Variants in PBX3 observed in about 807,000 individuals in gnomAD.
The protein encoded by PBX3 is PBX homeobox 3, also known as pre-B-cell leukemia transcription factor 3.
PBX3 carries 14 observed loss-of-function variants against 48.5 expected under a neutral mutation model. The observed-to-expected ratio is 0.29, with a 90% CI of 0.19 to 0.45. The LOEUF (loss-of-function observed/expected upper bound fraction) is 0.45, where lower values mean the gene tolerates loss of function less well. Ranked by LOEUF, PBX3 falls within the 20% of genes least tolerant of loss-of-function variation. The pLI is 1.00. For missense variants in PBX3, 386 were observed against 546.7 expected (o/e 0.71, Z 2.93); for synonymous variants, 210 against 200.3 (o/e 1.05, Z -0.41).
intron 2 of PBX3, among the ~76,000 whole-genome samples, chr9:125,766,213 T>A (rs533773343): frequency 5.3e-5 from 8 of 152,118 alleles, no homozygotes; most frequent in Non-Finnish European, 1.2e-4. Context: ...GTACATTAAA[T>A]CTGATACTAT....
At chr9:125,754,207 GAAT>G (rs1206079308) in intron 2 of PBX3, among the ~76,000 whole-genome samples, 1 of 152,010 alleles carries the variant, frequency 6.6e-6, no homozygotes, top group Non-Finnish European at 1.5e-5. Context: ...GACATTATGA[GAAT>G]AATGTTTTGT....
At chr9:125,943,371 AAAAAAAAAAAAAAAAAAAAAAAAAAAAAG>A (rs1167530640) in intron 5 of PBX3, among the ~76,000 whole-genome samples, 22 of 11,618 alleles carry the variant, frequency 1.9e-3, no homozygotes, top group Non-Finnish European at 2.9e-3. Flanking sequence ...AAAAAAAAAA[AAAAAAAAAAAAAAAAAAAAAAAAAAAAAG>A]AAAGGAGAGA....
chr9:125,919,359 A>ATTTTTTTTTTTTTT (rs34891465), intron 3 of PBX3, among the ~76,000 whole-genome samples: 9 of 102,750 alleles, frequency 8.8e-5, no homozygotes, highest in African/African-American at 2.3e-4. Flanking sequence ...TGCCCGTCTA[A>ATTTTTTTTTTTTTT]TTTTTTTTTT....
chr9:125,913,654 T>C (rs894339994), intron 2 of PBX3, among the ~76,000 whole-genome samples: 1 of 152,162 alleles, frequency 6.6e-6, no homozygotes, highest in Non-Finnish European at 1.5e-5. Context: ...ATTTTGGGTA[T>C]GGAAGTTAAT....
intron 7 of PBX3, 150 bp downstream of exon 7, chr9:125,962,364 T>G (rs1272188827): frequency 3.9e-6 from 2 of 512,264 alleles, no homozygotes; most frequent in East Asian, 3.0e-5. Flanking sequence ...ACCATTTAAT[T>G]TAATGAGAAG....
chr9:125,791,080 A>G (rs1564656538), intron 2 of PBX3, among the ~76,000 whole-genome samples: 1 of 151,810 alleles, frequency 6.6e-6, no homozygotes, highest in Admixed American at 6.6e-5. Context: ...ACGCCTGGCT[A>G]ATTTTTGTAT....
chr9:125,899,386 T>A lies in PBX3; in HGVS notation c.275-16300T>A, dbSNP rs1472817764. On this transcript the variant is annotated intron_variant, in intron 2 of 8. Coordinates refer to ENST00000373489, the MANE Select transcript of PBX3 (RefSeq NM_006195.6). ...ATATATACATATATGTATATATTTT[T>A]ATATAAATATACAAATATATGTATG... is the stretch of plus-strand genomic sequence containing the variant. Among the ~76,000 whole-genome samples, 2 of 141,546 alleles carry A rather than the reference T, an allele frequency of 1.4e-5. 1 individual carries two copies. The highest frequency in any genetic ancestry group is 3.0e-5 in the Non-Finnish European group (2 of 65,880). The allele number at this position is 141,546 out of a possible 152,430, so 92.9% of individuals were successfully genotyped here.
intron 2 of PBX3, among the ~76,000 whole-genome samples, chr9:125,871,380 CAA>C (rs34035290): frequency 4.7e-5 from 6 of 127,578 alleles, no homozygotes; most frequent in African/African-American, 9.4e-5. Flanking sequence ...GACTCCGTCT[CAA>C]AAAAAAAAAA....
chr9:125,948,833 GAAA>G (rs1220347477), intron 5 of PBX3, among the ~76,000 whole-genome samples: 10 of 151,976 alleles, frequency 6.6e-5, no homozygotes, highest in African/African-American at 2.4e-4. Context: ...GCAAAAGACT[GAAA>G]ATTCAATTCA....
chr9:125,862,097 C>T (rs1381138216), intron 2 of PBX3, among the ~76,000 whole-genome samples: 36 of 152,154 alleles, frequency 2.4e-4, no homozygotes, highest in Admixed American at 2.4e-3. Context: ...CTTTTACAGA[C>T]AATGGTGTCT....
At chr9:125,810,467 A>G (rs1485957315) in intron 2 of PBX3, among the ~76,000 whole-genome samples, 3 of 151,954 alleles carry the variant, frequency 2.0e-5, no homozygotes, top group Admixed American at 1.3e-4. Context: ...TCTGTTCCCT[A>G]TAAGGTCTGT....
intron 5 of PBX3, among the ~76,000 whole-genome samples, chr9:125,942,993 G>C (rs1841989068): frequency 6.6e-6 from 1 of 152,114 alleles, no homozygotes; most frequent in Non-Finnish European, 1.5e-5. Flanking sequence ...GTGATGTCAG[G>C]TATTATATTT....
intron 2 of PBX3, among the ~76,000 whole-genome samples, chr9:125,891,113 A>T (rs1388914501): frequency 6.6e-6 from 1 of 152,230 alleles, no homozygotes; most frequent in Admixed American, 6.5e-5. Context: ...GAAATAGATA[A>T]CATGTATTAC....
At chr9:125,833,568 A>G (rs1194131048) in intron 2 of PBX3, among the ~76,000 whole-genome samples, 1 of 152,210 alleles carries the variant, frequency 6.6e-6, no homozygotes, top group Non-Finnish European at 1.5e-5. Flanking sequence ...AGATTAGAAA[A>G]CTTGAAGATT....
intron 2 of PBX3, among the ~76,000 whole-genome samples, chr9:125,800,952 C>A (rs1837926389): frequency 6.6e-6 from 1 of 151,924 alleles, no homozygotes; most frequent in Admixed American, 6.6e-5. Flanking sequence ...GGGATTTCAC[C>A]ATGTTGGCCA....
intron 2 of PBX3, among the ~76,000 whole-genome samples, chr9:125,903,017 C>T (rs1320132846): frequency 6.6e-6 from 1 of 151,772 alleles, no homozygotes; most frequent in African/African-American, 2.4e-5. Flanking sequence ...ACTCTGTTTT[C>T]CCCAAGAGGA....
intron 5 of PBX3, among the ~76,000 whole-genome samples, chr9:125,943,512 T>C (rs1452515060): frequency 6.6e-6 from 1 of 152,144 alleles, no homozygotes; most frequent in Non-Finnish European, 1.5e-5. Context: ...TGCCTTCTTT[T>C]ACCTATTCCT....
rs184571756 is a variant in PBX3, at chr9:125,759,697, C to T, written c.274+11074C>T. Among the ~76,000 whole-genome samples the T allele has an allele frequency of 1.6e-3, 237 of 152,288 alleles. 1 individual carries two copies. Among genetic ancestry groups the T allele is most frequent in the Admixed American group, 3.3e-3 (50 of 15,300 alleles). ...GTAGCTAGGAGCAGTTTGTGGACCG[C>T]GTCTGTGAACGCGGCTCATAATTGT... On this transcript the variant is annotated intron_variant, in intron 2 of 8. Coordinates refer to ENST00000373489, the MANE Select transcript of PBX3 (RefSeq NM_006195.6). The surrounding 1 kb of genome is among the most constrained non-coding windows in gnomAD (Gnocchi z 4.2).
At chr9:125,960,872 C>T (rs1346932587) in intron 6 of PBX3, 23 bp downstream of exon 6, 2 of 1,606,654 alleles carry the variant, frequency 1.2e-6, no homozygotes, top group East Asian at 2.2e-5. Flanking sequence ...GGCTCGCTCC[C>T]CAACTGGCCC....
Sources: gnomAD v4.1 joint callset for allele counts (sites outside exome capture counted in the v4.1 genomes callset) on GRCh38, gnomAD v4.1.1 for gene constraint, Gnocchi (gnomAD v3.1) non-coding constraint, MANE v1.5 for transcripts, NCBI Gene and HGNC (gene_info 2026-07-23, HGNC 2026-07-21) for gene names.